EYA2: variants seen among roughly 807,000 people sequenced by gnomAD.
The protein encoded by EYA2 is protein phosphatase EYA2.
A neutral mutation model predicts 69.2 loss-of-function variants in EYA2; 31 were observed. The observed-to-expected ratio is 0.45, with a 90% CI of 0.34 to 0.60. The LOEUF (loss-of-function observed/expected upper bound fraction) is 0.60, where lower values mean the gene tolerates loss of function less well. Ranked by LOEUF, EYA2 falls within the 20% of genes least tolerant of loss-of-function variation. The pLI is 0.02. For missense variants in EYA2, 622 were observed against 701.2 expected, an observed-to-expected ratio of 0.89 and a Z score of 1.28; for synonymous variants, 257 against 279.4, an observed-to-expected ratio of 0.92 and a Z score of 0.80.
chr20:46,993,399 C>T (rs1981813379), intron 2 of EYA2, among the ~76,000 whole-genome samples: 1 of 152,212 alleles, frequency 6.6e-6, no homozygotes, highest in Admixed American at 6.5e-5. Context: ...AACTGAGAAG[C>T]ATGATTCTGC....
intron 1 of EYA2, among the ~76,000 whole-genome samples, chr20:46,942,139 G>A (rs554064493): frequency 5.4e-4 from 82 of 152,282 alleles, no homozygotes; most frequent in African/African-American, 1.9e-3. Context: ...TCTGTTACTA[G>A]CCCTCCTCAC....
chr20:47,026,239 A>G (rs1463503446), intron 5 of EYA2, among the ~76,000 whole-genome samples: 1 of 152,230 alleles, frequency 6.6e-6, no homozygotes, highest in Non-Finnish European at 1.5e-5. Flanking sequence ...CCATCTGGAG[A>G]AAAGTATCCA....
intron 1 of EYA2, among the ~76,000 whole-genome samples, chr20:46,976,042 G>T (rs1303283457): frequency 3.3e-5 from 5 of 152,152 alleles, no homozygotes. Context: ...TGAATAGGCT[G>T]CTGGGGAGGC....
At chr20:47,183,464 C>T (rs2034577689) in intron 15 of EYA2, 73 bp downstream of exon 15, 2 of 1,351,608 alleles carry the variant, frequency 1.5e-6, no homozygotes. Context: ...AGGGCTCCTT[C>T]CATGATTTCC....
chr20:47,122,551 G>T (rs540028364), intron 9 of EYA2, among the ~76,000 whole-genome samples: 67 of 152,020 alleles, frequency 4.4e-4, no homozygotes, highest in African/African-American at 1.6e-3. Flanking sequence ...ACCTATCTCG[G>T]CCTCCCAAAG....
At position 46,968,512 on chromosome 20, in the gene EYA2, C is replaced by T. The variant is rs528814231; in HGVS notation, c.-10-21489C>T. Among the ~76,000 whole-genome samples the T allele has an allele frequency of 3.9e-5, 6 of 152,292 alleles. No individual in the cohort carries two copies. In the East Asian group the frequency reaches 9.6e-4, roughly 24 times the overall value. On this transcript the variant is annotated intron_variant, in intron 1 of 15. Transcript: ENST00000327619. ...AACCGTCACCCTATACTGCCCCCTC[C>T]GTGTTTAAACATGTTGGTTTGGAAA...
At chr20:46,923,570 C>T (rs879321927) in intron 1 of EYA2, among the ~76,000 whole-genome samples, 2 of 152,048 alleles carry the variant, frequency 1.3e-5, no homozygotes, top group African/African-American at 2.4e-5. Flanking sequence ...GGTAATAAAC[C>T]GGAGATTCTA....
chr20:47,172,263 A>G (rs1445843289), intron 11 of EYA2, among the ~76,000 whole-genome samples: 1 of 152,040 alleles, frequency 6.6e-6, no homozygotes, highest in East Asian at 1.9e-4. Context: ...GAGAGACTCC[A>G]TCTCTCCAAA....
intron 11 of EYA2, 73 bp from the exon 12 acceptor site, chr20:47,172,634 G>A: frequency 6.7e-7 from 1 of 1,501,824 alleles, no homozygotes; most frequent in Non-Finnish European, 8.9e-7. Flanking sequence ...GTCCCACAGA[G>A]CCTGTGGTCT....
rs143617682 is a variant in EYA2, at chr20:46,960,423, G to C, written c.-10-29578G>C. Among the ~76,000 whole-genome samples, 1,376 of 152,186 alleles carry C rather than the reference G, an allele frequency of 9.0e-3. 17 individuals carry two copies. The highest frequency in any genetic ancestry group is 0.031 in the African/African-American group (1,293 of 41,508). ...TTTACTGAGTGCCGGGTGCTGCCTG[G>C]GGGGCTTTACATGAATTGATTTACT... On this transcript the variant is annotated intron_variant, in intron 1 of 15. Transcript: ENST00000327619.
At chr20:47,078,556 G>A (rs1287996319) in intron 7 of EYA2, among the ~76,000 whole-genome samples, 15 of 152,134 alleles carry the variant, frequency 9.9e-5, no homozygotes, top group African/African-American at 2.4e-4. Flanking sequence ...CCCCATCCTC[G>A]CCACAGGACA....
At chr20:47,179,979 G>C (rs928167736) in intron 13 of EYA2, 67 bp downstream of exon 13, 2 of 1,089,962 alleles carry the variant, frequency 1.8e-6, no homozygotes, top group Non-Finnish European at 2.8e-6. Flanking sequence ...GGTGGCTCCT[G>C]CATGTCCACA....
At chr20:46,909,736 G>T (rs896537093) in intron 1 of EYA2, among the ~76,000 whole-genome samples, 11 of 152,272 alleles carry the variant, frequency 7.2e-5, no homozygotes, top group Admixed American at 3.3e-4. Flanking sequence ...GATTTCCAAA[G>T]TGAAATCGGC....
chr20:47,045,970 A>G (rs2030015563), intron 5 of EYA2, among the ~76,000 whole-genome samples: 1 of 152,218 alleles, frequency 6.6e-6, no homozygotes, highest in Non-Finnish European at 1.5e-5. Flanking sequence ...TCTTAAGGCT[A>G]ACGTCTAAGT....
Position 47,188,317 on chromosome 20 carries a change from A to G in EYA2, c.*184A>G. 1 of 624,302 alleles carries G rather than the reference A, an allele frequency of 1.6e-6. No homozygotes were observed. 38.7% of individuals were successfully genotyped at this position (624,302 alleles called of 1,614,324 possible). The stretch of plus-strand genomic sequence containing the variant: ...GTCCAAATGGGGGTTCTGAGAAGGA[A>G]AGTACCCAACATTGGCTTCGGAGTA... On this transcript the variant is annotated 3_prime_UTR_variant, in exon 16 of 16. Transcript: ENST00000327619.
chr20:47,074,468 T>C (rs1273615537), intron 7 of EYA2, 133 bp downstream of exon 7: 2 of 924,534 alleles, frequency 2.2e-6, no homozygotes, highest in Admixed American at 5.3e-5. Context: ...CCTGAGAGCT[T>C]CTCTGAAGGA....
At chr20:47,169,350 C>G (rs2034271924) in intron 11 of EYA2, among the ~76,000 whole-genome samples, 153 bp downstream of exon 11, 1 of 152,012 alleles carries the variant, frequency 6.6e-6, no homozygotes, top group African/African-American at 2.4e-5. Context: ...ATCTCAGACT[C>G]AAAAATCACA....
At chr20:47,132,240 G>A (rs950994806) in intron 9 of EYA2, among the ~76,000 whole-genome samples, 1 of 152,260 alleles carries the variant, frequency 6.6e-6, no homozygotes, top group African/African-American at 2.4e-5. Flanking sequence ...GAGCCACCAT[G>A]CCCCCAGCGA....
intron 2 of EYA2, among the ~76,000 whole-genome samples, chr20:47,000,428 A>G (rs537456144): frequency 4.9e-4 from 75 of 152,342 alleles, no homozygotes; most frequent in African/African-American, 1.8e-3. Flanking sequence ...AGGCTGAGGC[A>G]GGCTCAGAGC....
Sources: gnomAD v4.1 joint callset for allele counts (sites outside exome capture counted in the v4.1 genomes callset) on GRCh38, gnomAD v4.1.1 for gene constraint, MANE v1.5 for transcripts, NCBI Gene and HGNC (gene_info 2026-07-23, HGNC 2026-07-21) for gene names.